Variants in LTN1 observed in about 807,000 individuals in gnomAD.
LTN1 encodes the protein listerin E3 ubiquitin protein ligase 1, also known as E3 ubiquitin-protein ligase listerin.
Under a neutral mutation model 201.2 loss-of-function variants are expected in LTN1, and 88 were observed. The observed-to-expected ratio is 0.44, with a 90% CI of 0.37 to 0.52. The LOEUF is 0.52. Ranked by LOEUF, LTN1 falls within the 20% of genes least tolerant of loss-of-function variation. The pLI is 0.00. For synonymous variants in LTN1, 645 were observed against 713.5 expected, an observed-to-expected ratio of 0.90 and a Z score of 1.53; for missense variants, 1,752 against 2,038.7, an observed-to-expected ratio of 0.86 and a Z score of 2.71.
intron 16 of LTN1, among the ~76,000 whole-genome samples, chr21:28,955,254 G>A (rs575711005): frequency 6.6e-6 from 1 of 151,906 alleles, no homozygotes; most frequent in East Asian, 2.0e-4. Flanking sequence ...GATTGCTTGA[G>A]CCCAGGATAA....
In LTN1 at chr21:28,970,574, A is replaced by G; in HGVS notation, c.1153T>C (p.Phe385Leu). The G allele has an allele frequency of 6.2e-7, 1 of 1,612,918 alleles. No individual in the cohort carries two copies. The highest frequency in any genetic ancestry group is 8.5e-7 in the Non-Finnish European group (1 of 1,179,618). The change falls in exon 8 of 30, where the codon TTC (phenylalanine) becomes CTC (leucine). Residue 385 changes from phenylalanine (F) to leucine (L), a missense_variant. This residue lies in a region of LTN1 where 1,211 missense variants were observed against 1,312.8 expected (regional missense o/e 0.92). Coordinates refer to ENST00000361371, the MANE Select transcript of LTN1 (RefSeq NM_015565.3). ...TACCCAGCAACTAGAGACGTGAGGA[A>G]ATTTTTGAAGAAATCCAACTTTGGA... is the stretch of plus-strand genomic sequence containing the variant. ...TNPKLDFFKN[F>L]LTSLVAGLST...
chr21:28,944,486 C>A lies in LTN1; in HGVS notation c.3879G>T (p.Leu1293=). ...TTACAGGAAGATTGCCAATGGTATC[C>A]AGAGTTGTGGAATCAAAGAAAGCAC... The part of the protein sequence containing the change: ...DLSAFFDSTT[L]DTIGNLPVNL... Residue 1293 remains leucine, a synonymous_variant, in exon 22 of 30, where the codon CTG becomes CTT. Coordinates refer to ENST00000361371, the MANE Select transcript of LTN1 (RefSeq NM_015565.3). The A allele has an allele frequency of 6.2e-7, 1 of 1,613,930 alleles. No individual in the cohort carries two copies. The highest frequency in any genetic ancestry group is 2.2e-5 in the East Asian group (1 of 44,862).
intron 16 of LTN1, among the ~76,000 whole-genome samples, chr21:28,956,303 G>A (rs1456909452): frequency 6.6e-6 from 1 of 152,134 alleles, no homozygotes; most frequent in Non-Finnish European, 1.5e-5. Flanking sequence ...AAATGTTTGA[G>A]GTGATGGATA....
chr21:28,984,917 A>C lies in LTN1; in HGVS notation c.351T>G (p.His117Gln). The C allele has an allele frequency of 6.2e-7, 1 of 1,608,248 alleles. No individual in the cohort carries two copies. The highest frequency in any genetic ancestry group is 8.5e-7 in the Non-Finnish European group (1 of 1,176,812). The stretch of plus-strand genomic sequence containing the variant: ...GTGTGGCTTCTCGGACGCGACGGTC[A>C]TGATCCTATTAAAAATATAAATGTG... ...PRIFCKISLD[H>Q]DRRVREATQQ... is the part of the protein sequence containing the mutation. Residue 117 changes from histidine to glutamine, a missense_variant, in exon 4 of 30, where the codon CAT becomes CAG. Physicochemically the swap from His to Gln is conservative, Grantham distance 24. Transcript: ENST00000361371.
intron 6 of LTN1, among the ~76,000 whole-genome samples, chr21:28,972,475 G>C (rs761795987): frequency 2.3e-4 from 35 of 150,452 alleles, no homozygotes; most frequent in Non-Finnish European, 3.5e-4. Context: ...ATCTACAGTT[G>C]ATTGAATCCA....
chr21:28,963,215 G>A (rs749599090), intron 11 of LTN1, among the ~76,000 whole-genome samples: 1 of 152,212 alleles, frequency 6.6e-6, no homozygotes, highest in Non-Finnish European at 1.5e-5. Context: ...TCACATATTA[G>A]AAGAAGATGT....
At chr21:28,960,437 TA>T in intron 12 of LTN1, 79 bp downstream of exon 12, 1 of 1,117,350 alleles carries the variant, frequency 8.9e-7, no homozygotes, top group South Asian at 1.6e-5. Context: ...CAATAACACA[TA>T]AGCTGAGCCC....
At chr21:28,935,385 G>C in intron 26 of LTN1, 56 bp from the exon 27 acceptor site, 4 of 1,024,688 alleles carry the variant, frequency 3.9e-6, no homozygotes, top group Non-Finnish European at 5.9e-6. Flanking sequence ...TAGAATAACA[G>C]ACTAATATTA....
chr21:28,955,787 G>A (rs1347738383), intron 16 of LTN1, among the ~76,000 whole-genome samples: 1 of 151,966 alleles, frequency 6.6e-6, no homozygotes, highest in Non-Finnish European at 1.5e-5. Context: ...GCTGGGCATG[G>A]TGGTGTGCGC....
intron 1 of LTN1, among the ~76,000 whole-genome samples, chr21:28,991,935 T>C (rs2084749498): frequency 6.6e-6 from 1 of 152,210 alleles, no homozygotes; most frequent in African/African-American, 2.4e-5. Flanking sequence ...ACGAATCCAC[T>C]TTAAGGTCGT....
rs2084529175 is a variant in LTN1 at position 28,966,867 on chromosome 21, C to T, written c.1624G>A (p.Ala542Thr). 4 of 1,610,720 alleles carry T rather than the reference C, an allele frequency of 2.5e-6. No homozygotes were observed. The highest frequency in any genetic ancestry group is 1.3e-5 in the African/African-American group (1 of 74,680). The change falls in exon 10 of 30, where the codon GCT (alanine) becomes ACT (threonine). Residue 542 changes from alanine to threonine, a missense_variant. By Grantham distance (58) the Ala-to-Thr change is moderately conservative. This residue lies in a region of LTN1 where 1,211 missense variants were observed against 1,312.8 expected (regional missense o/e 0.92). Transcript: ENST00000361371. The stretch of plus-strand genomic sequence containing the variant: ...TTATTGCTTTCAAGTATCTCATCAG[C>T]AAATCTAACCTTACCATTTTTTTTT... ...SKKKNGKVRF[A>T]DEILESNKEN...
At position 28,943,256 on chromosome 21, in the gene LTN1, C is replaced by T; in HGVS notation, c.4295+6G>A. ...TAATAAAACAAATTATTTAAAAAAA[C>T]CTTACAAGGCTGGCTCTTCTTCTTC... On this transcript the variant is annotated splice_donor_region_variant and intron_variant, in intron 24 of 29. Coordinates refer to ENST00000361371, the MANE Select transcript of LTN1 (RefSeq NM_015565.3). 1 of 1,575,120 alleles carries T rather than the reference C, an allele frequency of 6.3e-7. No individual in the cohort carries two copies.
intron 29 of LTN1, among the ~76,000 whole-genome samples, 160 bp from the exon 30 acceptor site, chr21:28,930,670 A>G (rs561241581): frequency 2.8e-4 from 42 of 152,384 alleles, no homozygotes; most frequent in African/African-American, 9.4e-4. Context: ...AAATTAACAC[A>G]AATTGAGTAT....
intron 26 of LTN1, 77 bp downstream of exon 26, chr21:28,936,449 A>G: frequency 8.1e-7 from 1 of 1,235,286 alleles, no homozygotes; most frequent in Non-Finnish European, 1.1e-6. Context: ...TATTCTCCAC[A>G]TTCTCAGGGA....
intron 27 of LTN1, among the ~76,000 whole-genome samples, chr21:28,933,061 G>A (rs1056310880): frequency 2.6e-5 from 4 of 152,034 alleles, no homozygotes; most frequent in African/African-American, 9.7e-5. Context: ...CTGAGCTTTG[G>A]AGCCAACTAT....
chr21:28,967,273 T>C, intron 9 of LTN1, 94 bp from the exon 10 acceptor site: 1 of 866,180 alleles, frequency 1.2e-6, no homozygotes, highest in Non-Finnish European at 1.8e-6. Flanking sequence ...ATCTCCAAAG[T>C]GATATCATTT....
chr21:28,949,103 T>C (rs1259524063), intron 18 of LTN1, among the ~76,000 whole-genome samples: 1 of 152,258 alleles, frequency 6.6e-6, no homozygotes, highest in Non-Finnish European at 1.5e-5. Flanking sequence ...TCTGTCATTA[T>C]TAGTAAGGCA....
intron 14 of LTN1, among the ~76,000 whole-genome samples, chr21:28,958,121 A>C (rs1025178352): frequency 4.6e-5 from 7 of 152,198 alleles, no homozygotes; most frequent in Non-Finnish European, 7.3e-5. Flanking sequence ...TCTTTTCATA[A>C]GAGTCCTGTA....
chr21:28,937,952 T>C (rs1471298400), intron 25 of LTN1, among the ~76,000 whole-genome samples: 3 of 152,112 alleles, frequency 2.0e-5, no homozygotes, highest in Non-Finnish European at 4.4e-5. Flanking sequence ...GTAAGTACTA[T>C]TGCTAAAAAT....
Sources: gnomAD v4.1 joint callset for allele counts (sites outside exome capture counted in the v4.1 genomes callset) on GRCh38, gnomAD v4.1.1 for gene constraint, gnomAD v4.1.1 regional missense constraint, MANE v1.5 for transcripts, NCBI Gene and HGNC (gene_info 2026-07-23, HGNC 2026-07-21) for gene names.